Variants in ACBD6 observed in about 807,000 individuals in gnomAD.
The protein encoded by ACBD6 is acyl-CoA-binding domain-containing protein 6.
In ACBD6, 28 loss-of-function variants were observed where a neutral mutation model predicts 37.2. The ratio of observed to expected loss-of-function variants is 0.75; its 90% CI spans 0.56 to 1.03. ACBD6 has a LOEUF of 1.03. Ranked by LOEUF, ACBD6 falls within the 50% of genes least tolerant of loss-of-function variation. The probability of loss-of-function intolerance (pLI) is 0.00; values close to 1 mark genes in which losing one functional copy is unlikely to be tolerated. For missense variants in ACBD6, 340 were observed against 337.4 expected, an observed-to-expected ratio of 1.01 and a Z score of -0.06; for synonymous variants, 113 against 126.8, an observed-to-expected ratio of 0.89 and a Z score of 0.73.
intron 3 of ACBD6, among the ~76,000 whole-genome samples, chr1:180,460,296 G>A (rs181700862): frequency 7.2e-5 from 11 of 152,270 alleles, no homozygotes; most frequent in Non-Finnish European, 1.0e-4. Context: ...AGTTCCCGGC[G>A]TAGGGGCAGG....
At chr1:180,292,112 G>A (rs1649730564) in intron 7 of ACBD6, among the ~76,000 whole-genome samples, 1 of 152,104 alleles carries the variant, frequency 6.6e-6, no homozygotes, top group Non-Finnish European at 1.5e-5. Context: ...CCAGTGTGGG[G>A]CCTCCAACTT....
intron 3 of ACBD6, among the ~76,000 whole-genome samples, chr1:180,437,895 G>GA (rs1649115935): frequency 1.3e-5 from 2 of 152,136 alleles, no homozygotes; most frequent in Admixed American, 6.5e-5. Flanking sequence ...CCAGCCATAG[G>GA]AAAAAGCCAG....
At chr1:180,282,871 G>C (rs533693917) in intron 8 of ACBD6, among the ~76,000 whole-genome samples, 1 of 152,032 alleles carries the variant, frequency 6.6e-6, no homozygotes, top group Non-Finnish European at 1.5e-5. Context: ...TTCTGTATCG[G>C]TAGTTAAAGG....
chr1:180,461,935 C>T (rs1650164783), intron 3 of ACBD6, among the ~76,000 whole-genome samples: 1 of 152,046 alleles, frequency 6.6e-6, no homozygotes, highest in African/African-American at 2.4e-5. Flanking sequence ...CAATACTAAC[C>T]TTAAATGTAA....
chr1:180,294,835 A>G (rs1649857708), intron 7 of ACBD6, among the ~76,000 whole-genome samples: 1 of 151,684 alleles, frequency 6.6e-6, no homozygotes, highest in African/African-American at 2.4e-5. Flanking sequence ...GCTGGGACTT[A>G]CAGGCTCAAA....
chr1:180,352,232 C>A (rs763891847), intron 6 of ACBD6, among the ~76,000 whole-genome samples: 11 of 152,058 alleles, frequency 7.2e-5, no homozygotes, highest in South Asian at 2.1e-4. Context: ...AATGATTGCA[C>A]AACAATGTGA....
chr1:180,416,655 T>C (rs1326185206), intron 4 of ACBD6, among the ~76,000 whole-genome samples: 1 of 152,206 alleles, frequency 6.6e-6, no homozygotes, highest in East Asian at 1.9e-4. Context: ...AGCAAATACA[T>C]TTATATTCCT....
intron 4 of ACBD6, among the ~76,000 whole-genome samples, chr1:180,420,980 C>T (rs147201426): frequency 1.3e-5 from 2 of 152,218 alleles, no homozygotes; most frequent in Admixed American, 1.3e-4. Context: ...ACATTAAACA[C>T]CTGTTCATGC....
chr1:180,451,504 A>G (rs1184696082), intron 3 of ACBD6, among the ~76,000 whole-genome samples: 1 of 152,246 alleles, frequency 6.6e-6, no homozygotes, highest in Non-Finnish European at 1.5e-5. Flanking sequence ...GAATGGATAA[A>G]CAAAATGTGG....
At chr1:180,501,379 G>A (rs1338204887) in intron 1 of ACBD6, among the ~76,000 whole-genome samples, 1 of 151,948 alleles carries the variant, frequency 6.6e-6, no homozygotes, top group Non-Finnish European at 1.5e-5. Context: ...GAGTTTCTTC[G>A]CTCTTGTTGC....
At chr1:180,320,297 G>T (rs1432694267) in intron 6 of ACBD6, among the ~76,000 whole-genome samples, 6 of 152,070 alleles carry the variant, frequency 3.9e-5, no homozygotes, top group Non-Finnish European at 8.8e-5. Flanking sequence ...CCATTTTTAT[G>T]TCTTCTTTTG....
chr1:180,339,007 C>T (rs1198829354), intron 6 of ACBD6, among the ~76,000 whole-genome samples: 6 of 152,266 alleles, frequency 3.9e-5, no homozygotes, highest in South Asian at 4.1e-4. Context: ...GTTAGAATGG[C>T]AATCATTAAA....
chr1:180,274,747 T>C (rs1362864179), exon 10 of ACBD6: 7 of 758,806 alleles, frequency 9.2e-6, no homozygotes, highest in Admixed American at 2.9e-5. Context: ...CACTAGGGCA[T>C]TGTTTCCCTG....
chr1:180,400,462 T>G (rs1647307666), intron 5 of ACBD6, among the ~76,000 whole-genome samples: 1 of 152,348 alleles, frequency 6.6e-6, no homozygotes, highest in African/African-American at 2.4e-5. Flanking sequence ...GCACTGAAGA[T>G]ATCTACATTA....
chr1:180,392,649 G>C (rs1445762883), intron 6 of ACBD6, among the ~76,000 whole-genome samples: 1 of 151,980 alleles, frequency 6.6e-6, no homozygotes. Flanking sequence ...TAAAATTCTT[G>C]ACACATAGTA....
intron 6 of ACBD6, among the ~76,000 whole-genome samples, chr1:180,350,022 CCTTTTTTT>C (rs1652347679): frequency 9.9e-5 from 13 of 131,510 alleles, no homozygotes; most frequent in Non-Finnish European, 1.3e-4. Context: ...CTCCAGTGAC[CCTTTTTTT>C]TTTTTTTTTT....
chr1:180,446,915 T>C (rs1357183406), intron 3 of ACBD6, among the ~76,000 whole-genome samples: 1 of 151,892 alleles, frequency 6.6e-6, no homozygotes, highest in South Asian at 2.1e-4. Context: ...GTGGTGCATA[T>C]CTGTAATCCC....
chr1:180,358,708 G>A (rs1030476392), intron 6 of ACBD6, among the ~76,000 whole-genome samples: 1 of 152,150 alleles, frequency 6.6e-6, no homozygotes, highest in African/African-American at 2.4e-5. Context: ...CAGACTGCAG[G>A]TTTTATAAAT....
chr1:180,356,332 C>T (rs1221539914), intron 6 of ACBD6, among the ~76,000 whole-genome samples: 2 of 151,812 alleles, frequency 1.3e-5, no homozygotes, highest in African/African-American at 2.4e-5. Flanking sequence ...CCACCATGCC[C>T]AGCTATTTTT....
Sources: gnomAD v4.1 joint callset for allele counts (sites outside exome capture counted in the v4.1 genomes callset) on GRCh38, gnomAD v4.1.1 for gene constraint, MANE v1.5 for transcripts, NCBI Gene and HGNC (gene_info 2026-07-23, HGNC 2026-07-21) for gene names.